Variants in LRRC4C observed in about 807,000 individuals in gnomAD.
The protein encoded by LRRC4C is leucine-rich repeat-containing protein 4C.
LRRC4C carries 5 observed loss-of-function variants against 33.6 expected under a neutral mutation model. That is an observed-to-expected ratio of 0.15 (90% CI 0.08 to 0.31). LRRC4C has a LOEUF of 0.31. LRRC4C is among the 10% of genes least tolerant of loss of function. LRRC4C has a pLI of 1.00. For missense variants in LRRC4C, 560 were observed against 796.7 expected (o/e 0.70, Z 3.58); for synonymous variants, 329 against 302.0 (o/e 1.09, Z -0.93).
intron 1 of LRRC4C, among the ~76,000 whole-genome samples, chr11:41,307,778 G>A (rs549928801): frequency 6.6e-5 from 10 of 152,248 alleles, no homozygotes; most frequent in East Asian, 1.9e-4. Context: ...TGTCTTCCCC[G>A]CCTCCCTTCT....
chr11:41,016,707 AG>A (rs55856621), intron 1 of LRRC4C, among the ~76,000 whole-genome samples: 19,100 of 66,882 alleles, frequency 0.29, 1,311 homozygotes, highest in Non-Finnish European at 0.35. Flanking sequence ...GTGAACACAG[AG>A]AGGTTTTCAG....
chr11:40,944,817 A>G (rs1958316996), intron 1 of LRRC4C, among the ~76,000 whole-genome samples: 1 of 152,234 alleles, frequency 6.6e-6, no homozygotes, highest in Non-Finnish European at 1.5e-5. Context: ...CCCATATATT[A>G]GCATTTAACA....
At chr11:41,110,821 T>C (rs1941785795) in intron 1 of LRRC4C, among the ~76,000 whole-genome samples, 1 of 152,050 alleles carries the variant, frequency 6.6e-6, no homozygotes, top group Admixed American at 6.6e-5. Flanking sequence ...TTTTTTCAAA[T>C]TCAAATTCAG....
intron 1 of LRRC4C, among the ~76,000 whole-genome samples, chr11:41,108,491 CAA>C (rs1169287581): frequency 6.6e-6 from 1 of 152,080 alleles, no homozygotes; most frequent in African/African-American, 2.4e-5. Context: ...CATTCTTCCC[CAA>C]AGAGTCTATA....
At chr11:40,847,226 G>C (rs1386861083) in intron 2 of LRRC4C, among the ~76,000 whole-genome samples, 1 of 152,112 alleles carries the variant, frequency 6.6e-6, no homozygotes, top group Admixed American at 6.6e-5. Context: ...TCTTGTGCCA[G>C]TTTTCAAAGG....
intron 5 of LRRC4C, among the ~76,000 whole-genome samples, chr11:40,178,508 T>C (rs1860705560): frequency 6.6e-6 from 1 of 152,248 alleles, no homozygotes; most frequent in African/African-American, 2.4e-5. Context: ...GGAATACATC[T>C]GGGATTAATT....
intron 3 of LRRC4C, among the ~76,000 whole-genome samples, chr11:40,580,362 T>C (rs1392404818): frequency 6.6e-6 from 1 of 152,028 alleles, no homozygotes; most frequent in Non-Finnish European, 1.5e-5. Context: ...ACTCATTCAC[T>C]ATTATGATAA....
intron 5 of LRRC4C, among the ~76,000 whole-genome samples, chr11:40,221,640 T>G (rs990600586): frequency 6.6e-6 from 1 of 152,024 alleles, no homozygotes; most frequent in Non-Finnish European, 1.5e-5. Flanking sequence ...AGAAATGAAA[T>G]CCACAAGCAG....
chr11:41,237,980 C>A (rs923994727), intron 1 of LRRC4C, among the ~76,000 whole-genome samples: 2 of 152,116 alleles, frequency 1.3e-5, no homozygotes, highest in African/African-American at 4.8e-5. Flanking sequence ...ACCTTGAATA[C>A]CCATCTTTAA....
intron 3 of LRRC4C, among the ~76,000 whole-genome samples, chr11:40,385,250 A>G (rs1949057891): frequency 6.6e-6 from 1 of 152,132 alleles, no homozygotes; most frequent in South Asian, 2.1e-4. Flanking sequence ...TGAATGATTC[A>G]TTCTTCTTAC....
chr11:40,370,544 A>T (rs1353798972), intron 3 of LRRC4C, among the ~76,000 whole-genome samples: 7 of 152,316 alleles, frequency 4.6e-5, no homozygotes. Flanking sequence ...CATTGTATGC[A>T]CTGAGAATAG....
At chr11:40,520,678 G>T (rs941066425) in intron 3 of LRRC4C, among the ~76,000 whole-genome samples, 3 of 152,146 alleles carry the variant, frequency 2.0e-5, no homozygotes, top group Non-Finnish European at 4.4e-5. Context: ...TTACTGAAAT[G>T]TGACACAAAG....
At chr11:41,188,057 TGTCA>T (rs66671123) in intron 1 of LRRC4C, among the ~76,000 whole-genome samples, 82,000 of 151,590 alleles carry the variant, frequency 0.54, 24,599 homozygotes, top group Non-Finnish European at 0.68. Context: ...TCAAAGAGAC[TGTCA>T]ATCAGTCTCA....
At chr11:40,438,421 C>G (rs763971583) in intron 3 of LRRC4C, among the ~76,000 whole-genome samples, 10 of 152,190 alleles carry the variant, frequency 6.6e-5, no homozygotes, top group African/African-American at 1.2e-4. Flanking sequence ...TCTCCAAATT[C>G]ATACTCTAAA....
chr11:41,163,352 C>G (rs1207930344), intron 1 of LRRC4C, among the ~76,000 whole-genome samples: 1 of 125,744 alleles, frequency 8.0e-6, no homozygotes, highest in Non-Finnish European at 1.6e-5. Context: ...GGCGCAATCT[C>G]TGCTCACTGC....
Position 40,126,444 on chromosome 11 carries a change from T to C in LRRC4C, c.-42-10110A>G, listed in dbSNP as rs931653995. ...TGGCTGCCACCAACATGGGGTCATG[T>C]GCTGGAGTGTATAATAAGGATTGTA... On this transcript the variant is annotated intron_variant, in intron 6 of 6. Transcript: ENST00000528697. Among the ~76,000 whole-genome samples, 9 of 152,124 alleles carry C rather than the reference T, an allele frequency of 5.9e-5. No individual in the cohort carries two copies. The East Asian group carries it at 1.5e-3, about 26-fold the overall frequency.
intron 4 of LRRC4C, among the ~76,000 whole-genome samples, chr11:40,301,230 T>G (rs1393940066): frequency 1.3e-5 from 2 of 152,236 alleles, no homozygotes; most frequent in East Asian, 3.8e-4. Flanking sequence ...CAACCACTTC[T>G]GAATGGCCTT....
intron 1 of LRRC4C, among the ~76,000 whole-genome samples, chr11:41,043,906 A>G (rs1474503769): frequency 6.6e-6 from 1 of 152,094 alleles, no homozygotes; most frequent in Admixed American, 6.6e-5. Flanking sequence ...AATGATGGAT[A>G]AGGTATTATA....
chr11:40,299,408 A>T (rs183913379), intron 4 of LRRC4C, among the ~76,000 whole-genome samples: 8 of 152,308 alleles, frequency 5.3e-5, no homozygotes, highest in African/African-American at 1.4e-4. Flanking sequence ...CTTGTTACCC[A>T]TTCTAGCTCC....
Sources: allele counts gnomAD v4.1 joint callset (sites outside exome capture counted in the v4.1 genomes callset), GRCh38; gene constraint gnomAD v4.1.1; transcripts MANE v1.5; gene names NCBI Gene and HGNC (gene_info 2026-07-23, HGNC 2026-07-21).